The following UNC80 variants were observed in gnomAD, a reference collection of about 807,000 sequenced individuals.
The protein encoded by UNC80 is protein unc-80 homolog.
A neutral mutation model predicts 384.6 loss-of-function variants in UNC80; 164 were observed. The observed-to-expected ratio is 0.43, with a 90% confidence interval of 0.38 to 0.49. The LOEUF is 0.49. Among genes scored for constraint, UNC80 ranks in the 20% least tolerant of loss-of-function variants. The pLI, the probability that UNC80 is intolerant of heterozygous loss-of-function variation, is 0.00. For missense variants in UNC80, 3,330 were observed against 4,143.0 expected, an observed-to-expected ratio of 0.80 and a Z score of 5.39; for synonymous variants, 1,486 against 1,527.8, an observed-to-expected ratio of 0.97 and a Z score of 0.64.
chr2:209,941,268 A>C lies in UNC80; in HGVS notation c.6694A>C (p.Ile2232Leu). The C allele has an allele frequency of 1.9e-6, 3 of 1,538,672 alleles. No individual in the cohort carries two copies. The highest frequency in any genetic ancestry group is 2.6e-6 in the Non-Finnish European group (3 of 1,136,382). Residue 2232 changes from isoleucine (I) to leucine (L), a missense_variant, in exon 44 of 65, where the codon ATC (isoleucine) becomes CTC (leucine). Ile to Leu is a conservative substitution (Grantham distance 5). Transcript: ENST00000673920. Reference protein sequence around the residue: ...GLDTLQKSLWIQLLEEMFLGM... With the variant: ...GLDTLQKSLWLQLLEEMFLGM... ...CGACACTCTTCAGAAAAGCTTGTGG[A>C]TCCAGCTGCTGGAGGAAATGTTCCT... is the stretch of plus-strand genomic sequence containing the variant.
intron 30 of UNC80, among the ~76,000 whole-genome samples, chr2:209,913,408 A>G (rs1430848636): frequency 6.6e-6 from 1 of 152,202 alleles, no homozygotes; most frequent in Non-Finnish European, 1.5e-5. Flanking sequence ...CATCAGTTAC[A>G]GGCTGCTTAT....
At chr2:209,828,535 A>AT (rs201626146) in intron 14 of UNC80, among the ~76,000 whole-genome samples, 1,822 of 151,960 alleles carry the variant, frequency 0.012, 40 homozygotes, top group African/African-American at 0.04. Context: ...ATTTCCAAGA[A>AT]TTTTTTCCTG....
At chr2:209,894,759 A>G (rs2086654524) in intron 27 of UNC80, among the ~76,000 whole-genome samples, 2 of 152,200 alleles carry the variant, frequency 1.3e-5, no homozygotes, top group South Asian at 4.1e-4. Context: ...TGAAATTCCG[A>G]TGCTTGTGTA....
chr2:209,807,185 T>C (rs1370931110), intron 7 of UNC80, among the ~76,000 whole-genome samples: 3 of 152,192 alleles, frequency 2.0e-5, no homozygotes, highest in Non-Finnish European at 4.4e-5. Flanking sequence ...TAATAACTTT[T>C]TATATATGTG....
At chr2:209,889,735 T>G (rs1445259468) in intron 26 of UNC80, among the ~76,000 whole-genome samples, 1 of 152,232 alleles carries the variant, frequency 6.6e-6, no homozygotes, top group African/African-American at 2.4e-5. Context: ...AGTGAGAACA[T>G]GCAGTGTTTG....
chr2:209,953,772 A>G (rs2092296185), intron 47 of UNC80, among the ~76,000 whole-genome samples: 1 of 152,162 alleles, frequency 6.6e-6, no homozygotes, highest in Non-Finnish European at 1.5e-5. Context: ...TTTGTTCTGA[A>G]GCCTGTTTCT....
In UNC80 at chr2:209,816,903, C is replaced by G; in HGVS notation, c.1336-6C>G. ...GTGCCTAATTCTACACCTCTCATCACTGTAGTTCAAGAGCCGCAAAGAAGA... is the reference window on the plus strand; with the variant it reads ...GTGCCTAATTCTACACCTCTCATCAGTGTAGTTCAAGAGCCGCAAAGAAGA... On this transcript the variant is annotated splice_region_variant and splice_polypyrimidine_tract_variant and intron_variant, in intron 9 of 64. Coordinates refer to ENST00000673920, the MANE Select transcript of UNC80 (RefSeq NM_001371986.1). 1.3e-6 allele frequency: 2 copies of G among 1,551,616 alleles called. No homozygotes were observed. The highest frequency in any genetic ancestry group is 8.7e-7 in the Non-Finnish European group (1 of 1,146,928).
intron 21 of UNC80, among the ~76,000 whole-genome samples, chr2:209,846,582 A>G (rs924328049): frequency 6.6e-6 from 1 of 152,084 alleles, no homozygotes; most frequent in African/African-American, 2.4e-5. Flanking sequence ...AAAAACAAGT[A>G]GGATATTTTT....
intron 18 of UNC80, among the ~76,000 whole-genome samples, chr2:209,836,644 C>T (rs748726778): frequency 2.0e-5 from 3 of 152,108 alleles, no homozygotes; most frequent in Non-Finnish European, 4.4e-5. Context: ...GGAACTTTTT[C>T]ATGATCCCAA....
At chr2:209,950,438 GAGTTTATCAAT>G (rs1486168125) in intron 47 of UNC80, among the ~76,000 whole-genome samples, 1 of 151,578 alleles carries the variant, frequency 6.6e-6, no homozygotes, top group East Asian at 1.9e-4. Flanking sequence ...TTCTTTTCAG[GAGTTTATCAAT>G]AGTTTTCCCT....
chr2:209,883,497 C>G (rs1015913407), intron 25 of UNC80, among the ~76,000 whole-genome samples: 17 of 130,620 alleles, frequency 1.3e-4, no homozygotes, highest in Non-Finnish European at 2.2e-4. Context: ...GTGGTATAAT[C>G]TCGGCTCACT....
In UNC80 at chr2:209,995,476, A is replaced by G. The variant is rs1212680518; in HGVS notation, c.9856A>G (p.Thr3286Ala). The change falls in exon 65 of 65, where the codon ACT becomes GCT. Residue 3286 changes from threonine (T) to alanine (A), a missense_variant. Physicochemically the swap from Thr to Ala is moderately conservative, Grantham distance 58. Coordinates refer to ENST00000673920, the MANE Select transcript of UNC80 (RefSeq NM_001371986.1). The stretch of plus-strand genomic sequence containing the variant: ...ATCCAGCCTCCTACAGCATGGAGAC[A>G]CTGTCCTTCATATCAGTGAGGAAAA... The part of the protein sequence containing the change: ...ETSSLLQHGD[T>A]VLHISEENGM... 5 of 1,551,752 alleles carry G rather than the reference A, an allele frequency of 3.2e-6. No individual in the cohort carries two copies. The African/African-American group carries it at 4.1e-5, about 13-fold the overall frequency.
intron 16 of UNC80, among the ~76,000 whole-genome samples, 160 bp downstream of exon 16, chr2:209,831,751 G>C (rs1439371893): frequency 6.6e-6 from 1 of 152,104 alleles, no homozygotes; most frequent in Non-Finnish European, 1.5e-5. Context: ...TCATAATGGA[G>C]CCTTAACAAC....
rs774703978 is a variant in UNC80 at position 209,789,601 on chromosome 2, T to G, written c.794T>G (p.Leu265Ter). Residue 265 changes from leucine to a stop codon, truncating the protein, a stop_gained, in exon 6 of 65, where the codon TTA becomes TGA. Coordinates refer to ENST00000673920, the MANE Select transcript of UNC80 (RefSeq NM_001371986.1). LOFTEE classifies it high-confidence loss of function. ...TCACCAAATCAAGATGCAAGACACTTAGAGGTTAGTTTATTATAATCATAA... is the reference window on the plus strand; with the variant it reads ...TCACCAAATCAAGATGCAAGACACTGAGAGGTTAGTTTATTATAATCATAA... The part of the protein sequence containing the change: ...CESPNQDARH[L>*]EGLQVVCETF... The G allele has an allele frequency of 6.2e-7, 1 of 1,610,048 alleles. No individual in the cohort carries two copies. The highest frequency in any genetic ancestry group is 8.5e-7 in the Non-Finnish European group (1 of 1,176,602).
chr2:209,815,189 A>T, intron 8 of UNC80, 68 bp from the exon 9 acceptor site: 1 of 1,456,154 alleles, frequency 6.9e-7, no homozygotes, highest in Non-Finnish European at 9.2e-7. Context: ...TAAAAATGTG[A>T]CATTTCAATA....
chr2:209,779,897 G>C (rs1411954945), intron 4 of UNC80, among the ~76,000 whole-genome samples: 6 of 152,238 alleles, frequency 3.9e-5, no homozygotes, highest in African/African-American at 1.4e-4. Context: ...GTGAGTCTAA[G>C]TTTTGGAAAC....
chr2:209,834,846 G>A, intron 17 of UNC80, 66 bp from the exon 18 acceptor site: 3 of 1,295,414 alleles, frequency 2.3e-6, no homozygotes, highest in Non-Finnish European at 3.3e-6. Flanking sequence ...GTTTTATGAA[G>A]TGTATGAAGT....
At position 209,995,894 on chromosome 2, in the gene UNC80, T is replaced by C. The variant is rs1407338526; in HGVS notation, c.*299T>C. On this transcript the variant is annotated 3_prime_UTR_variant, in exon 65 of 65. Coordinates refer to ENST00000673920, the MANE Select transcript of UNC80 (RefSeq NM_001371986.1). Reference sequence around the variant, plus strand: ...AAGAAGCCTTCAGCAGTTAAAAATATATACTATTCATTGCTGCTTTCATAG... The same window carrying C: ...AAGAAGCCTTCAGCAGTTAAAAATACATACTATTCATTGCTGCTTTCATAG... 2 of 273,870 alleles carry C rather than the reference T, an allele frequency of 7.3e-6. No homozygotes were observed. The highest frequency in any genetic ancestry group is 7.0e-6 in the Non-Finnish European group (1 of 143,150). The allele number at this position is 273,870 out of a possible 1,614,324, so 17.0% of individuals were successfully genotyped here. A position where few individuals can be genotyped will look rare whatever the true frequency, so the allele number is the denominator to read the frequency against.
chr2:209,831,431 T>C lies in UNC80; in HGVS notation c.2627-12T>C, dbSNP rs1202059124. ...GGAAACATTGTCTTTAATTTGTGCC[T>C]TTGCATTCCAGACAAGGCTGGGTTT... On this transcript the variant is annotated splice_polypyrimidine_tract_variant and intron_variant, in intron 15 of 64. Transcript: ENST00000673920. 12 of 1,543,654 alleles carry C rather than the reference T, an allele frequency of 7.8e-6. No individual in the cohort carries two copies. Among genetic ancestry groups the C allele is most frequent in the Non-Finnish European group, 1.0e-5 (12 of 1,143,318 alleles).
Sources: gnomAD v4.1 joint callset for allele counts (sites outside exome capture counted in the v4.1 genomes callset) on GRCh38, gnomAD v4.1.1 for gene constraint, MANE v1.5 for transcripts, NCBI Gene and HGNC (gene_info 2026-07-23, HGNC 2026-07-21) for gene names.